SPRED2: variants seen among roughly 807,000 people sequenced by gnomAD.
SPRED2 encodes the protein sprouty related EVH1 domain containing 2, also known as sprouty-related, EVH1 domain-containing protein 2.
Under a neutral mutation model 43.0 loss-of-function variants are expected in SPRED2, and 47 were observed. The ratio of observed to expected loss-of-function variants is 1.09; its 90% CI spans 0.87 to 1.40. The LOEUF is 1.40. Ranked by LOEUF, SPRED2 falls within the 40% of genes most tolerant of loss-of-function variation. The pLI, the probability that SPRED2 is intolerant of heterozygous loss-of-function variation, is 0.00. For synonymous variants in SPRED2, 225 were observed against 225.7 expected, an observed-to-expected ratio of 1.00 and a Z score of 0.03; for missense variants, 561 against 586.4, an observed-to-expected ratio of 0.96 and a Z score of 0.45.
At position 65,332,048 on chromosome 2, in the gene SPRED2, G is replaced by T; in HGVS notation, c.377C>A (p.Ser126Ter). 1 of 1,605,018 alleles carries T rather than the reference G, an allele frequency of 6.2e-7. No homozygotes were observed. The change falls in exon 4 of 6, where the codon TCA (serine) becomes TAA (stop). Residue 126 changes from serine (S) to a stop codon, truncating the protein, a stop_gained. Transcript: ENST00000356388. LOFTEE classifies it high-confidence loss of function. ...ATGGATGGTGGAAGATGACGTTGTT[G>T]AACCTAAAAAGACAAAAATGTAATA... ...RKAIEDLIEG[S>*]TTSSSTIHNE...
At position 65,312,828 on chromosome 2, in the gene SPRED2, A is replaced by C; in HGVS notation, c.*673T>G. On this transcript the variant is annotated 3_prime_UTR_variant, in exon 6 of 6. Coordinates refer to ENST00000356388, the MANE Select transcript of SPRED2 (RefSeq NM_181784.3). The stretch of plus-strand genomic sequence containing the variant: ...ATGTTTTGCATCAGTGAATCATTTC[A>C]ACAGATTTTGGGGGGGCAGAAAATG... 6 of 985,848 alleles carry C rather than the reference A, an allele frequency of 6.1e-6. No individual in the cohort carries two copies. Among genetic ancestry groups the C allele is most frequent in the Non-Finnish European group, 7.2e-6 (6 of 829,932 alleles). 61.1% of individuals were successfully genotyped at this position (985,848 alleles called of 1,614,324 possible).
chr2:65,411,149 G>A (rs1332103532), intron 1 of SPRED2, among the ~76,000 whole-genome samples: 2 of 152,090 alleles, frequency 1.3e-5, no homozygotes, highest in Non-Finnish European at 1.5e-5. Flanking sequence ...TGCTTTCCAC[G>A]TACCAGGTGC....
At chr2:65,407,245 CTT>C (rs70943650) in intron 1 of SPRED2, among the ~76,000 whole-genome samples, 30 of 120,878 alleles carry the variant, frequency 2.5e-4, no homozygotes, top group African/African-American at 4.5e-4. Context: ...GCGCTGGCTC[CTT>C]TTTTTTTTTT....
chr2:65,428,892 A>G (rs1676614103), intron 1 of SPRED2, among the ~76,000 whole-genome samples: 1 of 152,254 alleles, frequency 6.6e-6, no homozygotes, highest in South Asian at 2.1e-4. Context: ...TTCCAACCCT[A>G]TGCACAGAGG....
intron 4 of SPRED2, among the ~76,000 whole-genome samples, chr2:65,322,217 T>G (rs539058938): frequency 4.0e-4 from 57 of 143,472 alleles, no homozygotes; most frequent in African/African-American, 1.4e-3. Context: ...AAAAGATAGT[T>G]TGGTCTCCTT....
At chr2:65,324,200 G>GT in intron 4 of SPRED2, among the ~76,000 whole-genome samples, 1 of 152,122 alleles carries the variant, frequency 6.6e-6, no homozygotes, top group African/African-American at 2.4e-5. Flanking sequence ...AGATTCTATA[G>GT]ACACAGGCTG....
chr2:65,351,059 G>C (rs1184166962), intron 1 of SPRED2, among the ~76,000 whole-genome samples: 1 of 152,168 alleles, frequency 6.6e-6, no homozygotes, highest in African/African-American at 2.4e-5. Context: ...TTGCTGAAAG[G>C]CTACCTCAGT....
intron 1 of SPRED2, among the ~76,000 whole-genome samples, chr2:65,367,663 C>T (rs545603712): frequency 3.9e-5 from 6 of 152,238 alleles, no homozygotes; most frequent in South Asian, 2.1e-4. Flanking sequence ...CCTGAACAAA[C>T]GCCTAGTGCC....
intron 4 of SPRED2, among the ~76,000 whole-genome samples, chr2:65,319,329 G>A (rs961981647): frequency 6.6e-6 from 1 of 152,116 alleles, no homozygotes; most frequent in Non-Finnish European, 1.5e-5. Context: ...TTGACAGAGC[G>A]GTCAGAAAAG....
intron 1 of SPRED2, among the ~76,000 whole-genome samples, chr2:65,421,443 A>G (rs1676420268): frequency 2.0e-5 from 3 of 152,224 alleles, no homozygotes; most frequent in African/African-American, 7.2e-5. Flanking sequence ...AGAATGCAGA[A>G]TCTCAGGATC....
chr2:65,321,912 A>T (rs541831718), intron 4 of SPRED2, among the ~76,000 whole-genome samples: 48 of 152,012 alleles, frequency 3.2e-4, no homozygotes, highest in Non-Finnish European at 6.0e-4. Context: ...GGCTGGGATT[A>T]CAAGCACGTG....
At chr2:65,373,624 T>C (rs559729399) in intron 1 of SPRED2, 2 of 152,378 alleles carry the variant, frequency 1.3e-5, no homozygotes, top group South Asian at 2.1e-4. Context: ...ACAGAGTCTA[T>C]AGCACAATCT....
chr2:65,354,569 T>C (rs1242685947), intron 1 of SPRED2, among the ~76,000 whole-genome samples: 1 of 151,886 alleles, frequency 6.6e-6, no homozygotes, highest in East Asian at 1.9e-4. Context: ...AAAAAAATCT[T>C]AATAGAAACT....
Position 65,430,216 on chromosome 2 carries a change from C to CT in SPRED2, c.26+1745dup, listed in dbSNP as rs567129708. On this transcript the variant is annotated intron_variant, in intron 1 of 5. Transcript: ENST00000356388. ...CTGTATTTCAGCCCTAAAAGCGCAA[C>CT]TTTTTTTCATTTTACCATTTTAAGA... Among the ~76,000 whole-genome samples the CT allele has an allele frequency of 4.6e-5, 7 of 152,158 alleles. No homozygotes were observed. The East Asian group carries it at 5.8e-4, about 13-fold the overall frequency.
At chr2:65,417,548 A>T (rs1676315753) in intron 1 of SPRED2, among the ~76,000 whole-genome samples, 2 of 152,204 alleles carry the variant, frequency 1.3e-5, no homozygotes, top group Admixed American at 1.3e-4. Flanking sequence ...TGGTGGTTCA[A>T]CATCTACCTG....
intron 1 of SPRED2, among the ~76,000 whole-genome samples, chr2:65,398,545 A>G (rs555742249): frequency 6.6e-6 from 1 of 152,344 alleles, no homozygotes; most frequent in South Asian, 2.1e-4. Context: ...ATCCCATCAA[A>G]AAGTGGGCTA....
chr2:65,388,358 G>A (rs1675551028), intron 1 of SPRED2, among the ~76,000 whole-genome samples: 1 of 152,224 alleles, frequency 6.6e-6, no homozygotes, highest in Admixed American at 6.5e-5. Context: ...AAATGACGGT[G>A]AGGTCATGCC....
At chr2:65,370,949 G>T (rs1219865354) in intron 1 of SPRED2, among the ~76,000 whole-genome samples, 1 of 152,196 alleles carries the variant, frequency 6.6e-6, no homozygotes, top group Non-Finnish European at 1.5e-5. Context: ...AGAGGTGAAA[G>T]ATGATCTGGA....
At chr2:65,316,588 T>A (rs1356948916) in intron 5 of SPRED2, 146 bp downstream of exon 5, 1 of 978,078 alleles carries the variant, frequency 1.0e-6, no homozygotes, top group African/African-American at 1.6e-5. Context: ...CCACCACCAA[T>A]GCCACTTTCA....
Sources: allele counts gnomAD v4.1 joint callset (sites outside exome capture counted in the v4.1 genomes callset), GRCh38; gene constraint gnomAD v4.1.1; transcripts MANE v1.5; gene names NCBI Gene and HGNC (gene_info 2026-07-23, HGNC 2026-07-21).